SUCO: variants seen among roughly 807,000 people sequenced by gnomAD.
The protein encoded by SUCO is SUN domain-containing ossification factor.
SUCO carries 57 observed loss-of-function variants against 148.1 expected under a neutral mutation model. That is an observed-to-expected ratio of 0.38 (90% confidence interval 0.31 to 0.48). SUCO has a LOEUF of 0.48. Among genes scored for constraint, SUCO ranks in the 20% least tolerant of loss-of-function variants. The pLI, the probability that SUCO is intolerant of heterozygous loss-of-function variation, is 0.96. For synonymous variants in SUCO, 470 were observed against 502.7 expected (o/e 0.93, Z 0.87); for missense variants, 1,331 against 1,468.2 (o/e 0.91, Z 1.53).
chr1:172,535,809 CTG>C (rs1468749146), intron 1 of SUCO, among the ~76,000 whole-genome samples: 5 of 152,164 alleles, frequency 3.3e-5, no homozygotes, highest in Admixed American at 2.0e-4. Context: ...ACCAATATTA[CTG>C]TGTTATGTTT....
intron 22 of SUCO, among the ~76,000 whole-genome samples, chr1:172,604,460 C>G (rs751323369): frequency 6.6e-6 from 1 of 151,722 alleles, no homozygotes; most frequent in Non-Finnish European, 1.5e-5. Flanking sequence ...TTGATTTTAC[C>G]TATTTTTACT....
At chr1:172,554,427 T>C (rs958651808) in intron 3 of SUCO, among the ~76,000 whole-genome samples, 1 of 152,230 alleles carries the variant, frequency 6.6e-6, no homozygotes, top group African/African-American at 2.4e-5. Context: ...ATGCGGCTAG[T>C]CCAAATTGAA....
At chr1:172,544,513 A>G (rs1652719276) in intron 1 of SUCO, among the ~76,000 whole-genome samples, 1 of 152,200 alleles carries the variant, frequency 6.6e-6, no homozygotes, top group South Asian at 2.1e-4. Context: ...AATCAGGAAA[A>G]TGTTTTAGAC....
intron 9 of SUCO, among the ~76,000 whole-genome samples, chr1:172,572,699 A>T (rs1241217337): frequency 2.2e-4 from 16 of 73,770 alleles, no homozygotes; most frequent in African/African-American, 7.4e-4. Flanking sequence ...TGATCAATAA[A>T]AAAAAAAAAA....
Position 172,602,167 on chromosome 1 carries a change from G to C in SUCO, c.3122G>C (p.Gly1041Ala). ...QRCRNTSQFD[G>A]DYISKLPKSN... ...TGTCGAAATACTTCTCAATTTGATG[G>C]AGATTATATTTCAAAACTTCCTAAA... The change falls in exon 21 of 24, where the codon GGA becomes GCA. Residue 1041 changes from glycine (G) to alanine (A), a missense_variant. Coordinates refer to ENST00000263688, the MANE Select transcript of SUCO (RefSeq NM_014283.5). 1 of 1,613,566 alleles carries C rather than the reference G, an allele frequency of 6.2e-7. No individual in the cohort carries two copies. The highest frequency in any genetic ancestry group is 8.5e-7 in the Non-Finnish European group (1 of 1,179,778).
chr1:172,532,713 G>A (rs776861923), upstream of SUCO: 4 of 1,613,900 alleles, frequency 2.5e-6, no homozygotes, highest in South Asian at 4.4e-5. Flanking sequence ...TTCTAGGAGG[G>A]ACTGGGAAAG....
In SUCO at chr1:172,608,819, T is replaced by G; in HGVS notation, c.3321+17T>G. 6.6e-7 allele frequency: 1 copy of G among 1,510,126 alleles called. No homozygotes were observed. Among genetic ancestry groups the G allele is most frequent in the East Asian group, 2.3e-5 (1 of 44,238 alleles). The allele number at this position is 1,510,126 out of a possible 1,614,324, so 93.5% of individuals were successfully genotyped here. A position where few individuals can be genotyped will look rare whatever the true frequency, so the allele number is the denominator to read the frequency against. On this transcript the variant is annotated intron_variant, in intron 23 of 23. Coordinates refer to ENST00000263688, the MANE Select transcript of SUCO (RefSeq NM_014283.5). The stretch of plus-strand genomic sequence containing the variant: ...GAAAAGAAGGTAATTGTTTATTTCT[T>G]TTTAAGTTTATTGCTATGTTTTGTG...
chr1:172,550,259 A>G lies in SUCO; in HGVS notation c.63-1253A>G, dbSNP rs549292618. 4.6e-5 allele frequency among the ~76,000 whole-genome samples: 7 copies of G among 152,006 alleles called. 1 individual carries two copies. Among genetic ancestry groups the G allele is most frequent in the African/African-American group, 1.7e-4 (7 of 41,554 alleles). Reference sequence around the variant, plus strand: ...TCAGTATGTAGTTCAAACTACCCCTATATATTATTTTGAATTGTGAAATTG... The same window carrying G: ...TCAGTATGTAGTTCAAACTACCCCTGTATATTATTTTGAATTGTGAAATTG... On this transcript the variant is annotated intron_variant, in intron 1 of 23. Transcript: ENST00000263688.
intron 1 of SUCO, among the ~76,000 whole-genome samples, chr1:172,534,050 A>G (rs917521957): frequency 5.3e-5 from 8 of 152,114 alleles, no homozygotes; most frequent in African/African-American, 1.9e-4. Flanking sequence ...GCGTGTGTGT[A>G]TGTGTGTTAT....
At chr1:172,548,340 A>G (rs79442495) in intron 1 of SUCO, among the ~76,000 whole-genome samples, 10,065 of 151,818 alleles carry the variant, frequency 0.066, 496 homozygotes, top group Middle Eastern at 0.12. Context: ...TTTTGCCAGA[A>G]GTTTGTCTAA....
intron 1 of SUCO, among the ~76,000 whole-genome samples, chr1:172,534,712 G>C (rs1651885702): frequency 6.6e-6 from 1 of 152,238 alleles, no homozygotes; most frequent in African/African-American, 2.4e-5. Context: ...ACGGAGAAGT[G>C]CCTGTAAGAG....
chr1:172,601,514 A>G (rs964021076), intron 20 of SUCO, among the ~76,000 whole-genome samples: 4 of 151,882 alleles, frequency 2.6e-5, no homozygotes, highest in Admixed American at 6.6e-5. Flanking sequence ...AAAAAAAAAA[A>G]GTAATTGCAG....
At chr1:172,607,763 GAAAGTAAATTAAGA>G (rs1657955668) in intron 22 of SUCO, among the ~76,000 whole-genome samples, 3 of 151,826 alleles carry the variant, frequency 2.0e-5, no homozygotes, top group African/African-American at 7.3e-5. Flanking sequence ...CATTATTAAA[GAAAGTAAATTAAGA>G]TTAGTAATCT....
intron 1 of SUCO, chr1:172,541,798 T>A: frequency 1.0e-6 from 1 of 955,438 alleles, no homozygotes; most frequent in Non-Finnish European, 1.2e-6. Flanking sequence ...AGTAACTGCT[T>A]TCTTGGAGCA....
rs925907770 is a variant in SUCO at position 172,578,557 on chromosome 1, A to G, written c.1432+168A>G. On this transcript the variant is annotated intron_variant, in intron 14 of 23. Coordinates refer to ENST00000263688, the MANE Select transcript of SUCO (RefSeq NM_014283.5). ...CTTTTACTTAAATCTGTTTTCTAAT[A>G]TGATTGCTTTGTATTCGTATTGCTT... is the stretch of plus-strand genomic sequence containing the variant. The G allele has an allele frequency of 8.2e-6, 8 of 971,448 alleles. No individual in the cohort carries two copies. In the African/African-American group the frequency reaches 1.1e-4, roughly 13 times the overall value. The allele number at this position is 971,448 out of a possible 1,614,324, so 60.2% of individuals were successfully genotyped here.
chr1:172,557,660 A>G lies in SUCO; in HGVS notation c.598A>G (p.Ile200Val), dbSNP rs756591431. The change falls in exon 6 of 24, where the codon ATA becomes GTA. Residue 200 changes from isoleucine to valine, a missense_variant. Around this residue, in one of 3 missense-constraint regions of SUCO, gnomAD observed 992 missense variants for 1,093.5 expected, o/e 0.91. Transcript: ENST00000263688. ...TTTAAACAGCCTTGTTGGCCAGCATATAGAAAATGTATCATCTTCACATGG... is the reference window on the plus strand; with the variant it reads ...TTTAAACAGCCTTGTTGGCCAGCATGTAGAAAATGTATCATCTTCACATGG... ...SPPDSLVGQH[I>V]ENVSSSHGKG... 5 of 1,601,432 alleles carry G rather than the reference A, an allele frequency of 3.1e-6. No individual in the cohort carries two copies. The highest frequency in any genetic ancestry group is 8.5e-7 in the Non-Finnish European group (1 of 1,176,430).
At chr1:172,607,746 TAGACA>T (rs1657953434) in intron 22 of SUCO, among the ~76,000 whole-genome samples, 3 of 151,916 alleles carry the variant, frequency 2.0e-5, no homozygotes, top group African/African-American at 7.2e-5. Context: ...TTTCTAGAAA[TAGACA>T]TCATTATTAA....
chr1:172,578,757 A>G (rs1655651057), intron 14 of SUCO, among the ~76,000 whole-genome samples: 1 of 152,006 alleles, frequency 6.6e-6, no homozygotes. Flanking sequence ...GAGCAAGCAC[A>G]TTTTGGCTTC....
At chr1:172,577,434 C>G (rs1416882786) in intron 11 of SUCO, 105 bp from the exon 12 acceptor site, 4 of 1,087,034 alleles carry the variant, frequency 3.7e-6, no homozygotes, top group Non-Finnish European at 5.3e-6. Flanking sequence ...TGACATTACT[C>G]TCTATACTTT....
Sources: gnomAD v4.1 joint callset for allele counts (sites outside exome capture counted in the v4.1 genomes callset) on GRCh38, gnomAD v4.1.1 for gene constraint, gnomAD v4.1.1 regional missense constraint, MANE v1.5 for transcripts, NCBI Gene and HGNC (gene_info 2026-07-23, HGNC 2026-07-21) for gene names.